Variants in PTPRQ observed in about 807,000 individuals in gnomAD.
PTPRQ encodes phosphatidylinositol phosphatase PTPRQ.
Under a neutral mutation model 246.0 loss-of-function variants are expected in PTPRQ, and 199 were observed. That is an observed-to-expected ratio of 0.81 (90% confidence interval 0.72 to 0.91). PTPRQ has a LOEUF of 0.91. PTPRQ is among the 40% of genes least tolerant of loss of function. The pLI is 0.00. For missense variants in PTPRQ, 2,624 were observed against 2,528.4 expected (o/e 1.04, Z -0.81); for synonymous variants, 869 against 853.2 (o/e 1.02, Z -0.32).
chr12:80,444,430 G>T (rs893575467), intron 1 of PTPRQ, 31 bp downstream of exon 1: 2 of 1,241,100 alleles, frequency 1.6e-6, no homozygotes, highest in African/African-American at 3.1e-5. Context: ...AAAAACAAGG[G>T]CTAAGTCATG....
Position 80,450,999 on chromosome 12 carries a change from G to A in PTPRQ, c.390+5282G>A, listed in dbSNP as rs12314556. Reference sequence around the variant, plus strand: ...TCTGGTAGAATTCGGCTGTGAATCCGTCTGGTCCTGGACTCTTTTTCGTTG... The same window carrying A: ...TCTGGTAGAATTCGGCTGTGAATCCATCTGGTCCTGGACTCTTTTTCGTTG... On this transcript the variant is annotated intron_variant, in intron 3 of 44. Coordinates refer to ENST00000644991, the MANE Select transcript of PTPRQ (RefSeq NM_001145026.2). 5.5e-3 allele frequency among the ~76,000 whole-genome samples: 837 copies of A among 152,054 alleles called. 8 individuals are homozygous for A. Among genetic ancestry groups the A allele is most frequent in the African/African-American group, 0.019 (771 of 41,358 alleles).
At chr12:80,573,017 A>G (rs1897188508) in intron 25 of PTPRQ, among the ~76,000 whole-genome samples, 1 of 152,198 alleles carries the variant, frequency 6.6e-6, no homozygotes, top group African/African-American at 2.4e-5. Flanking sequence ...CTACCCTAAT[A>G]TCAGTAGTTG....
At chr12:80,510,095 A>G (rs538336531) in intron 16 of PTPRQ, among the ~76,000 whole-genome samples, 2 of 152,098 alleles carry the variant, frequency 1.3e-5, no homozygotes, top group South Asian at 4.2e-4. Context: ...TTTCTCATGA[A>G]ATATTTTTTT....
rs1893079363 is a variant in PTPRQ, at chr12:80,459,398, T to G, written c.575T>G (p.Val192Gly). 1 of 398,332 alleles carries G rather than the reference T, an allele frequency of 2.5e-6. No homozygotes were observed. Among genetic ancestry groups the G allele is most frequent in the African/African-American group, 2.1e-5 (1 of 48,624 alleles). 24.7% of individuals were successfully genotyped at this position (398,332 alleles called of 1,614,324 possible). A position where few individuals can be genotyped will look rare whatever the true frequency, so the allele number is the denominator to read the frequency against. The stretch of plus-strand genomic sequence containing the variant: ...AAAATTACCAGCTTCAAGATTAGTG[T>G]CAAGCATGCCAGAAGTGGGATAGTA... ...NGKITSFKISVKHARSGIVVK... is the reference protein window; with the variant it reads ...NGKITSFKISGKHARSGIVVK... Residue 192 changes from valine to glycine, a missense_variant, in exon 5 of 45, where the codon GTC (valine) becomes GGC (glycine). Coordinates refer to ENST00000644991, the MANE Select transcript of PTPRQ (RefSeq NM_001145026.2).
chr12:80,452,742 G>T (rs1316136999), intron 3 of PTPRQ, among the ~76,000 whole-genome samples: 1 of 152,230 alleles, frequency 6.6e-6, no homozygotes, highest in Non-Finnish European at 1.5e-5. Context: ...TCCGCTGTTA[G>T]TCTAATAGGC....
intron 22 of PTPRQ, 135 bp from the exon 23 acceptor site, chr12:80,542,595 A>G: frequency 1.7e-6 from 2 of 1,171,536 alleles, no homozygotes; most frequent in South Asian, 1.8e-5. Flanking sequence ...ATTAATTATG[A>G]TATTTGTTTC....
intron 25 of PTPRQ, among the ~76,000 whole-genome samples, chr12:80,585,195 G>T (rs1408764723): frequency 6.6e-6 from 1 of 151,876 alleles, no homozygotes; most frequent in Non-Finnish European, 1.5e-5. Context: ...CCTCCCCAAA[G>T]CTTACCCCTC....
chr12:80,530,094 C>T (rs1195135752), intron 17 of PTPRQ, among the ~76,000 whole-genome samples: 6 of 152,116 alleles, frequency 3.9e-5, no homozygotes, highest in Admixed American at 2.6e-4. Flanking sequence ...CTCTCTTCTT[C>T]TCCCACCTCC....
chr12:80,493,824 A>G (rs1005564808), intron 10 of PTPRQ, among the ~76,000 whole-genome samples: 2 of 152,010 alleles, frequency 1.3e-5, no homozygotes, highest in African/African-American at 4.8e-5. Context: ...TTCAAGTGTC[A>G]CTAAAGGTAA....
At chr12:80,454,535 A>C (rs189306719) in intron 3 of PTPRQ, 6 of 702,462 alleles carry the variant, frequency 8.5e-6, no homozygotes, top group African/African-American at 1.7e-5. Flanking sequence ...TAGACATCCT[A>C]CTTTTGTTGC....
intron 9 of PTPRQ, among the ~76,000 whole-genome samples, chr12:80,492,193 G>A (rs1057036260): frequency 1.1e-4 from 16 of 151,698 alleles, no homozygotes; most frequent in Admixed American, 4.0e-4. Context: ...TCTTGCCTCC[G>A]GTTTTTAAAT....
chr12:80,619,438 T>A lies in PTPRQ; in HGVS notation c.5285T>A (p.Leu1762Gln). ...CCTATTTATGATGCCACAGGAAAAC[T>A]GCTTGTGACTTCAACAACAATTACA... ...PTPIYDATGK[L>Q]LVTSTTITIR... Residue 1762 changes from leucine to glutamine, a missense_variant, in exon 31 of 45, where the codon CTG (leucine) becomes CAG (glutamine). By Grantham distance (113) the Leu-to-Gln change is moderately radical (BLOSUM62 -2). Transcript: ENST00000644991. 1 of 1,548,418 alleles carries A rather than the reference T, an allele frequency of 6.5e-7. No homozygotes were observed.
intron 39 of PTPRQ, among the ~76,000 whole-genome samples, chr12:80,668,086 T>A (rs1900844121): frequency 6.6e-6 from 1 of 151,966 alleles, no homozygotes; most frequent in African/African-American, 2.4e-5. Flanking sequence ...ACTGAGACAA[T>A]TTCAATGTAA....
At chr12:80,606,968 CA>C (rs1322506074) in intron 27 of PTPRQ, among the ~76,000 whole-genome samples, 21 of 150,404 alleles carry the variant, frequency 1.4e-4, no homozygotes, top group African/African-American at 1.7e-4. Flanking sequence ...CTTAAAGGAA[CA>C]AAAAAAATAA....
chr12:80,641,370 C>G (rs930237893), intron 35 of PTPRQ, among the ~76,000 whole-genome samples: 3 of 152,154 alleles, frequency 2.0e-5, no homozygotes, highest in Non-Finnish European at 4.4e-5. Context: ...CATTTGATTT[C>G]AAAATCACAC....
intron 35 of PTPRQ, among the ~76,000 whole-genome samples, chr12:80,644,177 G>T (rs1899988814): frequency 6.6e-6 from 1 of 152,132 alleles, no homozygotes; most frequent in Admixed American, 6.5e-5. Context: ...TTCCTTTCTA[G>T]ATCCATCAAG....
chr12:80,535,100 CTT>C, intron 19 of PTPRQ, 63 bp downstream of exon 19: 3 of 1,399,212 alleles, frequency 2.1e-6, no homozygotes, highest in Non-Finnish European at 2.8e-6. Flanking sequence ...ATAATACAGA[CTT>C]GTCACAGTAA....
intron 25 of PTPRQ, among the ~76,000 whole-genome samples, chr12:80,571,282 T>A (rs576506286): frequency 3.2e-4 from 49 of 152,202 alleles, no homozygotes; most frequent in Middle Eastern, 6.8e-3. Context: ...GTAGCTGGGA[T>A]TACAGGCATG....
At chr12:80,460,114 G>A (rs1893108212) in intron 5 of PTPRQ, among the ~76,000 whole-genome samples, 2 of 152,108 alleles carry the variant, frequency 1.3e-5, no homozygotes, top group South Asian at 4.2e-4. Flanking sequence ...TAATCTCTGT[G>A]TTACTATTAA....
Sources: allele counts gnomAD v4.1 joint callset (sites outside exome capture counted in the v4.1 genomes callset), GRCh38; gene constraint gnomAD v4.1.1; transcripts MANE v1.5; gene names NCBI Gene and HGNC (gene_info 2026-07-23, HGNC 2026-07-21).